AP3B1: variants seen among roughly 807,000 people sequenced by gnomAD.
AP3B1 encodes adaptor related protein complex 3 subunit beta 1.
Under a neutral mutation model 132.5 loss-of-function variants are expected in AP3B1, and 61 were observed. The ratio of observed to expected loss-of-function variants is 0.46; its 90% CI spans 0.37 to 0.57. The LOEUF (loss-of-function observed/expected upper bound fraction) is 0.57. AP3B1 is among the 20% of genes least tolerant of loss of function. The pLI is 0.00. For synonymous variants in AP3B1, 388 were observed against 438.3 expected, an observed-to-expected ratio of 0.89 and a Z score of 1.43; for missense variants, 1,120 against 1,289.4, an observed-to-expected ratio of 0.87 and a Z score of 2.01.
At chr5:78,246,039 C>T (rs138556040) in intron 2 of AP3B1, among the ~76,000 whole-genome samples, 1 of 152,274 alleles carries the variant, frequency 6.6e-6, no homozygotes, top group African/African-American at 2.4e-5. Flanking sequence ...GCTCTAAACT[C>T]TCCTAGGTTC....
chr5:78,249,734 C>T (rs1424280360), intron 2 of AP3B1, among the ~76,000 whole-genome samples: 1 of 151,988 alleles, frequency 6.6e-6, no homozygotes, highest in African/African-American at 2.4e-5. Context: ...CAGGCACCCT[C>T]CACCATACCT....
intron 11 of AP3B1, among the ~76,000 whole-genome samples, chr5:78,175,193 C>T (rs1057026403): frequency 2.0e-5 from 3 of 152,232 alleles, no homozygotes; most frequent in African/African-American, 7.2e-5. Flanking sequence ...GGCAACGCCC[C>T]ACTCTGCTTT....
At chr5:78,165,417 A>C (rs955716397) in intron 12 of AP3B1, among the ~76,000 whole-genome samples, 193 bp downstream of exon 12, 3 of 152,222 alleles carry the variant, frequency 2.0e-5, no homozygotes, top group Admixed American at 6.5e-5. Flanking sequence ...AATATGAAAG[A>C]GAATACTATG....
At chr5:78,120,988 A>G (rs189477424) in intron 17 of AP3B1, among the ~76,000 whole-genome samples, 1 of 152,208 alleles carries the variant, frequency 6.6e-6, no homozygotes, top group African/African-American at 2.4e-5. Flanking sequence ...ATTATAACGA[A>G]CTGTCTCTCA....
At chr5:78,146,545 A>G (rs1753404481) in intron 14 of AP3B1, among the ~76,000 whole-genome samples, 1 of 152,174 alleles carries the variant, frequency 6.6e-6, no homozygotes, top group Admixed American at 6.5e-5. Context: ...CTGCTTCATA[A>G]TAATTAGAAG....
chr5:78,015,691 A>G (rs1291175000), intron 25 of AP3B1, 143 bp from the exon 26 acceptor site: 1 of 776,488 alleles, frequency 1.3e-6, no homozygotes, highest in Non-Finnish European at 2.0e-6. Context: ...GATAATTATA[A>G]AACTAAAACA....
chr5:78,245,085 G>A (rs1445684932), intron 2 of AP3B1, among the ~76,000 whole-genome samples: 2 of 152,132 alleles, frequency 1.3e-5, no homozygotes, highest in Non-Finnish European at 1.5e-5. Context: ...ACAAAGGATT[G>A]AGAAGAGACA....
chr5:78,034,809 T>C (rs923733507), intron 23 of AP3B1, among the ~76,000 whole-genome samples: 3 of 151,914 alleles, frequency 2.0e-5, no homozygotes, highest in African/African-American at 7.2e-5. Context: ...ACTTTGGGAG[T>C]TCATAAGAGG....
chr5:78,032,501 T>C (rs961440980), intron 24 of AP3B1, among the ~76,000 whole-genome samples: 5 of 152,274 alleles, frequency 3.3e-5, no homozygotes, highest in South Asian at 2.1e-4. Flanking sequence ...CTAAGACCAA[T>C]TGATCTACCC....
At chr5:78,165,136 T>A (rs1459279037) in intron 12 of AP3B1, among the ~76,000 whole-genome samples, 1 of 151,790 alleles carries the variant, frequency 6.6e-6, no homozygotes, top group East Asian at 1.9e-4. Context: ...ACTAAACAAA[T>A]CAAAATAAAA....
intron 6 of AP3B1, among the ~76,000 whole-genome samples, chr5:78,221,861 C>G (rs1318823130): frequency 2.0e-5 from 3 of 151,836 alleles, no homozygotes; most frequent in African/African-American, 7.3e-5. Context: ...AACAATTGAC[C>G]CATATCAAGT....
At chr5:78,247,829 G>A (rs940632979) in intron 2 of AP3B1, among the ~76,000 whole-genome samples, 1 of 152,020 alleles carries the variant, frequency 6.6e-6, no homozygotes, top group Non-Finnish European at 1.5e-5. Flanking sequence ...ACATGTAATA[G>A]AATTATTAAC....
chr5:78,054,799 T>C (rs1317012901), intron 22 of AP3B1, among the ~76,000 whole-genome samples: 1 of 152,134 alleles, frequency 6.6e-6, no homozygotes, highest in Non-Finnish European at 1.5e-5. Context: ...GAAAGAAGTA[T>C]GTCTTAGGAG....
chr5:78,008,703 A>ATAT (rs1417569978), intron 26 of AP3B1, among the ~76,000 whole-genome samples: 1 of 152,214 alleles, frequency 6.6e-6, no homozygotes, highest in Non-Finnish European at 1.5e-5. Context: ...TATTTATACA[A>ATAT]AATTTTGTTT....
At chr5:78,043,612 T>G (rs1262851070) in intron 22 of AP3B1, 2 of 486,490 alleles carry the variant, frequency 4.1e-6, no homozygotes, top group East Asian at 5.8e-5. Context: ...GGAGGGTCAC[T>G]TTGGTACCCC....
intron 25 of AP3B1, among the ~76,000 whole-genome samples, chr5:78,016,387 A>G (rs1241693725): frequency 6.6e-6 from 1 of 152,092 alleles, no homozygotes; most frequent in Admixed American, 6.5e-5. Context: ...TGGAACAAAT[A>G]CTGAAATTTA....
intron 22 of AP3B1, among the ~76,000 whole-genome samples, chr5:78,049,124 T>C (rs963033903): frequency 6.6e-6 from 1 of 152,288 alleles, no homozygotes; most frequent in African/African-American, 2.4e-5. Context: ...GAACTTTGAG[T>C]CCTTGATGTG....
intron 15 of AP3B1, among the ~76,000 whole-genome samples, chr5:78,138,480 AAAC>A (rs1289041207): frequency 2.0e-5 from 3 of 152,102 alleles, no homozygotes; most frequent in Non-Finnish European, 4.4e-5. Flanking sequence ...ACAAAACAAA[AAAC>A]AACTAATTTT....
intron 15 of AP3B1, among the ~76,000 whole-genome samples, chr5:78,131,007 T>A (rs1343899575): frequency 2.0e-5 from 3 of 151,798 alleles, no homozygotes; most frequent in Non-Finnish European, 2.9e-5. Context: ...TTATATAATT[T>A]AAAAATTTTT....
Sources: gnomAD v4.1 joint callset for allele counts (sites outside exome capture counted in the v4.1 genomes callset) on GRCh38, gnomAD v4.1.1 for gene constraint, MANE v1.5 for transcripts, NCBI Gene and HGNC (gene_info 2026-07-23, HGNC 2026-07-21) for gene names.